The following ULK4 variants were observed in gnomAD, a reference collection of about 807,000 sequenced individuals.
ULK4 encodes the protein inactive serine/threonine-protein kinase ULK4.
Under a neutral mutation model 160.6 loss-of-function variants are expected in ULK4, and 133 were observed. That is an observed-to-expected ratio of 0.83 (90% CI 0.72 to 0.96). The LOEUF is 0.96. Among genes scored for constraint, ULK4 ranks in the 40% least tolerant of loss-of-function variants. The pLI is 0.00. For missense variants in ULK4, 1,580 were observed against 1,499.5 expected (o/e 1.05, Z -0.89); for synonymous variants, 534 against 539.8 (o/e 0.99, Z 0.15).
chr3:41,961,422 A>C (rs2030432), intron 1 of ULK4, among the ~76,000 whole-genome samples: 141,141 of 152,120 alleles, frequency 0.93, 66,329 homozygotes, highest in East Asian at 1. Context: ...AGTCTGCGAA[A>C]TGCCAGCCAA....
chr3:41,961,500 C>A (rs1700665986), intron 1 of ULK4, among the ~76,000 whole-genome samples: 1 of 150,298 alleles, frequency 6.7e-6, no homozygotes, highest in Non-Finnish European at 1.5e-5. Context: ...CTCCTCGCCG[C>A]ACTTCACAGA....
chr3:41,325,658 G>A (rs2080326298), intron 35 of ULK4, among the ~76,000 whole-genome samples: 1 of 152,144 alleles, frequency 6.6e-6, no homozygotes. Context: ...GCTCATGCCT[G>A]TAATCCCAGC....
chr3:41,386,240 C>T (rs2081806779), intron 35 of ULK4, among the ~76,000 whole-genome samples: 1 of 152,096 alleles, frequency 6.6e-6, no homozygotes, highest in Non-Finnish European at 1.5e-5. Flanking sequence ...TTTTTTACAA[C>T]TAGAGTCTAA....
At chr3:41,820,414 G>A (rs1038575113) in intron 18 of ULK4, among the ~76,000 whole-genome samples, 1 of 152,070 alleles carries the variant, frequency 6.6e-6, no homozygotes, top group Non-Finnish European at 1.5e-5. Context: ...AATCAACTTA[G>A]GTGCCCATCA....
intron 5 of ULK4, 129 bp from the exon 6 acceptor site, chr3:41,919,947 T>G (rs922903380): frequency 4.2e-5 from 22 of 522,388 alleles, no homozygotes; most frequent in Non-Finnish European, 6.9e-5. Context: ...AAACTTCATG[T>G]GCATTTCACA....
intron 34 of ULK4, among the ~76,000 whole-genome samples, chr3:41,438,518 G>A (rs1419572461): frequency 6.6e-6 from 1 of 152,104 alleles, no homozygotes; most frequent in Admixed American, 6.6e-5. Flanking sequence ...CCATGGGTCA[G>A]GAATGGAACA....
chr3:41,700,766 T>A (rs577261152), intron 27 of ULK4, among the ~76,000 whole-genome samples: 1 of 152,308 alleles, frequency 6.6e-6, no homozygotes, highest in East Asian at 1.9e-4. Context: ...ACTTTCATAG[T>A]CTTCTGATAT....
chr3:41,317,366 C>T (rs988396911), intron 35 of ULK4, among the ~76,000 whole-genome samples: 19 of 152,114 alleles, frequency 1.2e-4, no homozygotes, highest in Admixed American at 6.5e-5. Flanking sequence ...TGAGCCACCG[C>T]GCCCGGCCAA....
rs1383114353 is a variant in ULK4, at chr3:41,861,715, C to CT, written c.1656+22158dup. Among the ~76,000 whole-genome samples, 6 of 152,084 alleles carry CT rather than the reference C, an allele frequency of 3.9e-5. 1 individual carries two copies. The South Asian group carries it at 1.0e-3, about 26-fold the overall frequency. ...CTAGGTTCAGGAAATTCTCTATTAT[C>CT]TTTTTGAATAAACTTTTTACCTCTA... On this transcript the variant is annotated intron_variant, in intron 17 of 36. Coordinates refer to ENST00000301831, the MANE Select transcript of ULK4 (RefSeq NM_017886.4).
At chr3:41,651,405 A>C (rs1026978710) in intron 30 of ULK4, among the ~76,000 whole-genome samples, 36 of 152,274 alleles carry the variant, frequency 2.4e-4, no homozygotes, top group African/African-American at 8.4e-4. Flanking sequence ...TCTCCACGGC[A>C]CTTCTAACTA....
rs201495360 is a variant in ULK4 at position 41,800,193 on chromosome 3, G to C, written c.1949C>G (p.Pro650Arg). The change falls in exon 20 of 37, where the codon CCC becomes CGC. Residue 650 changes from proline (P) to arginine (R), a missense_variant. Transcript: ENST00000301831. ...SQGFITGEIGPILWYLFRHST... is the reference protein window; with the variant it reads ...SQGFITGEIGRILWYLFRHST... Reference sequence around the variant, plus strand: ...GTGTCTGAATAGGTACCACAAAATGGGTCCTATTTCTCCTGTAATAAAGCC... The same window carrying C: ...GTGTCTGAATAGGTACCACAAAATGCGTCCTATTTCTCCTGTAATAAAGCC... 2.2e-5 allele frequency: 36 copies of C among 1,613,716 alleles called. No homozygotes were observed. The East Asian group carries it at 7.4e-4, about 33-fold the overall frequency.
At chr3:41,785,367 G>C (rs2039970068) in intron 21 of ULK4, among the ~76,000 whole-genome samples, 1 of 152,164 alleles carries the variant, frequency 6.6e-6, no homozygotes, top group Non-Finnish European at 1.5e-5. Context: ...AAAATGCATA[G>C]ACGCAGACAG....
intron 34 of ULK4, among the ~76,000 whole-genome samples, chr3:41,413,082 G>A (rs936099961): frequency 1.4e-4 from 21 of 152,132 alleles, no homozygotes; most frequent in South Asian, 6.2e-4. Flanking sequence ...CACAATCATG[G>A]CGGAAGGTGA....
chr3:41,449,868 T>C (rs1275827686), intron 34 of ULK4, among the ~76,000 whole-genome samples: 1 of 148,844 alleles, frequency 6.7e-6, no homozygotes, highest in African/African-American at 2.5e-5. Flanking sequence ...AGGCGACAGC[T>C]TGGTCTCCCA....
At chr3:41,464,295 T>C (rs1284311308) in intron 32 of ULK4, among the ~76,000 whole-genome samples, 1 of 152,282 alleles carries the variant, frequency 6.6e-6, no homozygotes, top group Non-Finnish European at 1.5e-5. Flanking sequence ...AGTGAACTAA[T>C]TTTGTCACTA....
intron 24 of ULK4, 75 bp downstream of exon 24, chr3:41,715,372 G>T (rs1331155122): frequency 1.2e-6 from 2 of 1,611,296 alleles, no homozygotes; most frequent in Non-Finnish European, 1.7e-6. Context: ...AATGTTTTGA[G>T]TTGAGGATTC....
intron 27 of ULK4, 133 bp from the exon 28 acceptor site, chr3:41,681,937 G>C: frequency 1.2e-6 from 1 of 860,698 alleles, no homozygotes; most frequent in Non-Finnish European, 1.8e-6. Flanking sequence ...GTTTATCCTG[G>C]ATTTAAACTC....
intron 32 of ULK4, among the ~76,000 whole-genome samples, chr3:41,553,674 T>A (rs1011210217): frequency 2.6e-5 from 4 of 152,036 alleles, no homozygotes; most frequent in Admixed American, 2.0e-4. Flanking sequence ...TTATGAAAAA[T>A]AAGAAGACTG....
intron 31 of ULK4, among the ~76,000 whole-genome samples, chr3:41,579,333 G>A (rs1250058261): frequency 6.6e-6 from 1 of 152,002 alleles, no homozygotes; most frequent in Admixed American, 6.6e-5. Context: ...GAAAGGATAG[G>A]GATAAGGAAG....
Sources: allele counts gnomAD v4.1 joint callset (sites outside exome capture counted in the v4.1 genomes callset), GRCh38; gene constraint gnomAD v4.1.1; transcripts MANE v1.5; gene names NCBI Gene and HGNC (gene_info 2026-07-23, HGNC 2026-07-21).